ZBTB18: variants seen among roughly 807,000 people sequenced by gnomAD.
ZBTB18 encodes zinc finger and BTB domain-containing protein 18.
A neutral mutation model predicts 37.7 loss-of-function variants in ZBTB18; 2 were observed. That is an observed-to-expected ratio of 0.05 (90% CI 0.02 to 0.17). ZBTB18 has a LOEUF of 0.17. ZBTB18 is among the 10% of genes least tolerant of loss of function. The pLI is 1.00. For synonymous variants in ZBTB18, 304 were observed against 276.5 expected, an observed-to-expected ratio of 1.10 and a Z score of -0.99; for missense variants, 408 against 686.3, an observed-to-expected ratio of 0.59 and a Z score of 4.53.
upstream of ZBTB18, among the ~76,000 whole-genome samples, chr1:244,049,448 CCGGGGGAGGGGGCCGG>C (rs1427646320): frequency 2.3e-5 from 3 of 128,426 alleles, no homozygotes; most frequent in African/African-American, 5.8e-5. Context: ...GCAGTGGCGC[CCGGGGGAGGGGGCCGG>C]CGGGGGAGGG....
rs776053746 is a variant in ZBTB18 at position 244,053,582 on chromosome 1, G to A, written c.14-206G>A. Reference sequence around the variant, plus strand: ...GATGCGTCGGAAGCTCTTTGGCGGGGGTGAGGAAGTTCAGAAAGTGTGCAT... The same window carrying A: ...GATGCGTCGGAAGCTCTTTGGCGGGAGTGAGGAAGTTCAGAAAGTGTGCAT... On this transcript the variant is annotated intron_variant, in intron 1 of 1. Transcript: ENST00000358704. This position sits in a 1 kb window ranked among gnomAD's most constrained non-coding sequence, Gnocchi z 5.2. The A allele has an allele frequency of 1.6e-4, 47 of 295,112 alleles. No homozygotes were observed. Among genetic ancestry groups the A allele is most frequent in the Non-Finnish European group, 2.1e-4 (42 of 198,924 alleles). 18.3% of individuals were successfully genotyped at this position (295,112 alleles called of 1,614,324 possible). A position where few individuals can be genotyped will look rare whatever the true frequency, so the allele number is the denominator to read the frequency against.
chr1:244,050,845 G>A (rs568300445), upstream of ZBTB18, among the ~76,000 whole-genome samples: 2 of 152,342 alleles, frequency 1.3e-5, no homozygotes, highest in Admixed American at 1.3e-4. Flanking sequence ...GTTGAAATGG[G>A]ACTGGAGATG....
upstream of ZBTB18, among the ~76,000 whole-genome samples, chr1:244,048,652 C>G (rs1405948117): frequency 2.7e-5 from 4 of 147,976 alleles, no homozygotes; most frequent in Non-Finnish European, 4.6e-5. Context: ...CCCGCCCCCC[C>G]ACCCGGCCCG....
At chr1:244,048,628 G>GCCCCC (rs1325001619), upstream of ZBTB18, among the ~76,000 whole-genome samples, 80 of 79,452 alleles carry the variant, frequency 1.0e-3, 4 homozygotes, top group South Asian at 5.6e-3. Context: ...CCCCGCGCCC[G>GCCCCC]CCCCCCCCCC....
At chr1:244,049,169 TGGGGCGGCGG>T (rs1171187191), upstream of ZBTB18, among the ~76,000 whole-genome samples, 3 of 88,572 alleles carry the variant, frequency 3.4e-5, no homozygotes, top group Non-Finnish European at 4.6e-5. Context: ...TTGGAGCTGT[TGGGGCGGCGG>T]GGGGCGGCGC....
chr1:244,048,599 G>A (rs1178999429), upstream of ZBTB18, among the ~76,000 whole-genome samples: 6 of 120,504 alleles, frequency 5.0e-5, no homozygotes, highest in African/African-American at 1.8e-4. Flanking sequence ...GCGTCCTCCC[G>A]CCCCCTCCCC....
At chr1:244,049,198 G>C (rs1436042490), upstream of ZBTB18, among the ~76,000 whole-genome samples, 3 of 144,052 alleles carry the variant, frequency 2.1e-5, no homozygotes, top group African/African-American at 2.5e-5. Flanking sequence ...GCAGCTGCGG[G>C]AGGCCCGGGC....
At position 244,056,593 on chromosome 1, in the gene ZBTB18, C is replaced by T. The variant is rs80343896; in HGVS notation, c.*1223C>T. On this transcript the variant is annotated 3_prime_UTR_variant, in exon 2 of 2. Coordinates refer to ENST00000358704, the MANE Select transcript of ZBTB18 (RefSeq NM_205768.3). ...ACAAGTTGACAATAGGTCGTTCTCT[C>T]TTTTTTTTTGTTTGCTCCCTTTTTC... 47 of 114,226 alleles carry T rather than the reference C, an allele frequency of 4.1e-4. No individual in the cohort carries two copies. Among genetic ancestry groups the T allele is most frequent in the East Asian group, 1.4e-3 (3 of 2,132 alleles). The allele number at this position is 114,226 out of a possible 1,614,324, so 7.1% of individuals were successfully genotyped here. A position where few individuals can be genotyped will look rare whatever the true frequency, so the allele number is the denominator to read the frequency against.
Position 244,054,863 on chromosome 1 carries a change from T to C in ZBTB18, c.1089T>C (p.Ser363=), listed in dbSNP as rs746689789. Residue 363 remains serine (S), a synonymous_variant, in exon 2 of 2, where the codon AGT becomes AGC. Transcript: ENST00000358704. This position sits in a 1 kb window ranked among gnomAD's most constrained non-coding sequence, Gnocchi z 9.0. ...AGGTGGAGGGAGGCATGGAGAGCAG[T>C]CTGCTCCCCTACGTCTCCAACATCC... ...RVQVEGGMES[S]LLPYVSNILS... The C allele has an allele frequency of 1.9e-6, 3 of 1,613,798 alleles. No individual in the cohort carries two copies. Among genetic ancestry groups the C allele is most frequent in the South Asian group, 2.2e-5 (2 of 91,058 alleles).
At chr1:244,048,512 A>G (rs1441355509), upstream of ZBTB18, among the ~76,000 whole-genome samples, 2 of 149,448 alleles carry the variant, frequency 1.3e-5, no homozygotes, top group Non-Finnish European at 3.0e-5. Context: ...GCCCGGAGGG[A>G]GGGAGGCAGG....
Position 244,051,357 on chromosome 1 carries a change from T to G in ZBTB18, c.-75T>G. The G allele has an allele frequency of 1.4e-5, 22 of 1,555,954 alleles. No homozygotes were observed. The highest frequency in any genetic ancestry group is 1.9e-5 in the Non-Finnish European group (21 of 1,132,476). ...CATCTCCACTTTGCATCTGTCTCTC[T>G]TAGTCTGCTTTTTTTCCACCGATGT... On this transcript the variant is annotated 5_prime_UTR_variant, in exon 1 of 2. Coordinates refer to ENST00000358704, the MANE Select transcript of ZBTB18 (RefSeq NM_205768.3).
In ZBTB18 at chr1:244,054,407, G is replaced by T. The variant is rs1196258808; in HGVS notation, c.633G>T (p.Glu211Asp). Reference protein sequence around the residue: ...AGIPQAGGEAEPHATAAGKTV... With the variant: ...AGIPQAGGEADPHATAAGKTV... Reference sequence around the variant, plus strand: ...TCCCCCAGGCTGGCGGAGAGGCAGAGCCACACGCCACAGCAGCTGGAAAAA... The same window carrying T: ...TCCCCCAGGCTGGCGGAGAGGCAGATCCACACGCCACAGCAGCTGGAAAAA... The change falls in exon 2 of 2, where the codon GAG becomes GAT. Residue 211 changes from glutamate to aspartate, a missense_variant. This residue lies in a region of ZBTB18 where 266 missense variants were observed against 312.0 expected (regional missense o/e 0.85). Transcript: ENST00000358704. The surrounding 1 kb of genome is among the most constrained non-coding windows in gnomAD (Gnocchi z 9.0). The T allele has an allele frequency of 6.2e-7, 1 of 1,614,060 alleles. No homozygotes were observed. Among genetic ancestry groups the T allele is most frequent in the African/African-American group, 1.3e-5 (1 of 74,934 alleles).
In ZBTB18 at chr1:244,051,319, T is replaced by C. The variant is rs901746476; in HGVS notation, c.-113T>C. Reference sequence around the variant, plus strand: ...ATCTGTGGTGGAGAAGGTATCTCATTCCTCTCTAACATCATCTCCACTTTG... The same window carrying C: ...ATCTGTGGTGGAGAAGGTATCTCATCCCTCTCTAACATCATCTCCACTTTG... On this transcript the variant is annotated 5_prime_UTR_variant, in exon 1 of 2. Coordinates refer to ENST00000358704, the MANE Select transcript of ZBTB18 (RefSeq NM_205768.3). 1.5e-5 allele frequency: 17 copies of C among 1,160,080 alleles called. No homozygotes were observed. The highest frequency in any genetic ancestry group is 2.2e-5 in the Non-Finnish European group (17 of 786,290). 71.9% of individuals were successfully genotyped at this position (1,160,080 alleles called of 1,614,324 possible). A position where few individuals can be genotyped will look rare whatever the true frequency, so the allele number is the denominator to read the frequency against.
Position 244,051,440 on chromosome 1 carries a change from T to C in ZBTB18, c.9T>C (p.Pro3=). 1.2e-6 allele frequency: 2 copies of C among 1,614,176 alleles called. No homozygotes were observed. Among genetic ancestry groups the C allele is most frequent in the Non-Finnish European group, 1.7e-6 (2 of 1,180,018 alleles). ...AGGACTTAATCAGGTTTATGTGTCC[T>C]AAAGGTAGGAGTAGCAAGAGATTAG... MC[P]KGYEDSMEFP... The change falls in exon 1 of 2, where the codon CCT becomes CCC. Residue 3 remains proline (P), a synonymous_variant. Transcript: ENST00000358704.
At chr1:244,049,168 T>C (rs1698297937), upstream of ZBTB18, among the ~76,000 whole-genome samples, 1 of 135,232 alleles carries the variant, frequency 7.4e-6, no homozygotes. Context: ...GTTGGAGCTG[T>C]TGGGGCGGCG....
At chr1:244,052,193 A>T (rs912705534) in intron 1 of ZBTB18, among the ~76,000 whole-genome samples, 2 of 152,224 alleles carry the variant, frequency 1.3e-5, no homozygotes, top group Non-Finnish European at 2.9e-5. Flanking sequence ...CCATATGGCC[A>T]CAGTCAGCTG....
At chr1:244,048,631 C>CCCCCCCCCCCCGCCCCCG, upstream of ZBTB18, among the ~76,000 whole-genome samples, 1 of 142,558 alleles carries the variant, frequency 7.0e-6, no homozygotes, top group Admixed American at 6.8e-5. Flanking sequence ...CGCGCCCGCC[C>CCCCCCCCCCCCGCCCCCG]CCCCCCCGCC....
chr1:244,054,497 T>A lies in ZBTB18; in HGVS notation c.723T>A (p.Asp241Glu). ...LSQRSVTSVR[D>E]SADVDCVLDL... ...AGAGGTCTGTCACCTCCGTGAGGGA[T>A]TCGGCAGATGTTGACTGTGTGCTGG... The change falls in exon 2 of 2, where the codon GAT becomes GAA. Residue 241 changes from aspartate to glutamate, a missense_variant. By Grantham distance (45) the Asp-to-Glu change is conservative. Transcript: ENST00000358704. This position sits in a 1 kb window ranked among gnomAD's most constrained non-coding sequence, Gnocchi z 9.0. 1 of 1,614,204 alleles carries A rather than the reference T, an allele frequency of 6.2e-7. No individual in the cohort carries two copies. Among genetic ancestry groups the A allele is most frequent in the Non-Finnish European group, 8.5e-7 (1 of 1,180,038 alleles).
upstream of ZBTB18, among the ~76,000 whole-genome samples, chr1:244,050,618 G>C (rs998317187): frequency 6.6e-6 from 1 of 152,184 alleles, no homozygotes; most frequent in African/African-American, 2.4e-5. Context: ...ATTTCAGAAA[G>C]TGCAGTTTCA....
Sources: gnomAD v4.1 joint callset for allele counts (sites outside exome capture counted in the v4.1 genomes callset) on GRCh38, gnomAD v4.1.1 for gene constraint, gnomAD v4.1.1 regional missense constraint, Gnocchi (gnomAD v3.1) non-coding constraint, MANE v1.5 for transcripts, NCBI Gene and HGNC (gene_info 2026-07-23, HGNC 2026-07-21) for gene names.